Variants in F11R observed in about 807,000 individuals in gnomAD.
F11R encodes F11 receptor.
A neutral mutation model predicts 39.3 loss-of-function variants in F11R; 27 were observed. That is an observed-to-expected ratio of 0.69 (90% CI 0.51 to 0.95). The LOEUF (loss-of-function observed/expected upper bound fraction) is 0.95. F11R is among the 40% of genes least tolerant of loss of function. The probability of loss-of-function intolerance (pLI) is 0.00; values close to 1 mark genes in which losing one functional copy is unlikely to be tolerated. For synonymous variants in F11R, 131 were observed against 144.9 expected (o/e 0.90, Z 0.69); for missense variants, 335 against 372.7 (o/e 0.90, Z 0.83).
In F11R at chr1:160,995,369, A is replaced by G. The variant is rs1648057313; in HGVS notation, c.*3502T>C. The stretch of plus-strand genomic sequence containing the variant: ...CCCCTCCCCTGTCCTTGATCTGTAG[A>G]TCCTGTTAAGACAGGAAAAACAGTG... On this transcript the variant is annotated 3_prime_UTR_variant, in exon 10 of 10. Transcript: ENST00000368026. 6.6e-6 allele frequency: 1 copy of G among 152,262 alleles called. No homozygotes were observed. The highest frequency in any genetic ancestry group is 2.1e-4 in the South Asian group (1 of 4,824). 9.4% of individuals were successfully genotyped at this position (152,262 alleles called of 1,614,324 possible). A position where few individuals can be genotyped will look rare whatever the true frequency, so the allele number is the denominator to read the frequency against.
At position 161,001,045 on chromosome 1, in the gene F11R, G is replaced by C; in HGVS notation, c.216C>G (p.Leu72=). 6.2e-7 allele frequency: 1 copy of C among 1,614,100 alleles called. No homozygotes were observed. The highest frequency in any genetic ancestry group is 8.5e-7 in the Non-Finnish European group (1 of 1,179,980). Reference sequence around the variant, plus strand: ...CTGTGATCTTGTTATTATAGCAAACGAGTCTGGTGGTGTCTCCTTGGTCAA... The same window carrying C: ...CTGTGATCTTGTTATTATAGCAAACCAGTCTGGTGGTGTCTCCTTGGTCAA... ...WKFDQGDTTR[L]VCYNNKITAS... is the part of the protein sequence containing the mutation. Residue 72 remains leucine, a synonymous_variant, in exon 3 of 10, where the codon CTC becomes CTG. Coordinates refer to ENST00000368026, the MANE Select transcript of F11R (RefSeq NM_016946.6).
chr1:161,004,901 C>G (rs963770201), intron 1 of F11R, among the ~76,000 whole-genome samples: 3 of 151,826 alleles, frequency 2.0e-5, no homozygotes, highest in Non-Finnish European at 4.4e-5. Flanking sequence ...TAGCTCACAC[C>G]TGTAATTCCA....
intron 1 of F11R, among the ~76,000 whole-genome samples, chr1:161,012,040 G>A (rs1397198268): frequency 6.6e-6 from 1 of 152,018 alleles, no homozygotes; most frequent in Non-Finnish European, 1.5e-5. Flanking sequence ...GTCAATACGT[G>A]TCTGCAGTTT....
chr1:160,999,916 A>G lies in F11R; in HGVS notation c.654T>C (p.Tyr218=), dbSNP rs752452076. ...CAGCATTTGAAGTCATGGGTGTCCC[A>G]TACCCATTCCGTGCCTCACAGCTGT... ...GEYSCEARNG[Y]GTPMTSNAVR... Residue 218 remains tyrosine (Y), a synonymous_variant, in exon 6 of 10, where the codon TAT becomes TAC. Transcript: ENST00000368026. 6.2e-7 allele frequency: 1 copy of G among 1,614,192 alleles called. No homozygotes were observed. Among genetic ancestry groups the G allele is most frequent in the East Asian group, 2.2e-5 (1 of 44,884 alleles).
At chr1:161,003,892 G>C (rs1390137351) in intron 1 of F11R, among the ~76,000 whole-genome samples, 1 of 151,744 alleles carries the variant, frequency 6.6e-6, no homozygotes, top group Non-Finnish European at 1.5e-5. Flanking sequence ...GGCCTCCCTA[G>C]TAGCTAGGAT....
chr1:161,000,672 C>T lies in F11R; in HGVS notation c.347G>A (p.Gly116Asp). 1.2e-6 allele frequency: 2 copies of T among 1,614,176 alleles called. No homozygotes were observed. Among genetic ancestry groups the T allele is most frequent in the Middle Eastern group, 1.6e-4 (1 of 6,062 alleles). Residue 116 changes from glycine (G) to aspartate (D), a missense_variant, in exon 4 of 10, where the codon GGC (glycine) becomes GAC (aspartate). Coordinates refer to ENST00000368026, the MANE Select transcript of F11R (RefSeq NM_016946.6). ...TYTCMVSEEGGNSYGEVKVKL... is the reference protein window; with the variant it reads ...TYTCMVSEEGDNSYGEVKVKL... ...GACCTTGACCTCCCCATAGCTGTTG[C>T]CGCCTTCCTCAGAGACCATACAAGT...
intron 1 of F11R, among the ~76,000 whole-genome samples, chr1:161,016,878 T>C (rs1227408362): frequency 6.6e-6 from 1 of 152,178 alleles, no homozygotes; most frequent in Non-Finnish European, 1.5e-5. Context: ...TGTGTCTGTG[T>C]AGAAAGAAGT....
chr1:161,002,857 A>G (rs1048283765), intron 1 of F11R, among the ~76,000 whole-genome samples: 3 of 152,060 alleles, frequency 2.0e-5, no homozygotes, highest in African/African-American at 7.2e-5. Flanking sequence ...ACTATGAATT[A>G]GTCCAGATAA....
At chr1:161,001,808 C>T (rs771765206) in intron 1 of F11R, among the ~76,000 whole-genome samples, 3 of 152,156 alleles carry the variant, frequency 2.0e-5, no homozygotes, top group African/African-American at 7.2e-5. Flanking sequence ...TAATAATACT[C>T]GACATTTGTG....
At chr1:161,004,430 C>T (rs536690957) in intron 1 of F11R, among the ~76,000 whole-genome samples, 3 of 152,080 alleles carry the variant, frequency 2.0e-5, no homozygotes, top group Admixed American at 1.3e-4. Flanking sequence ...CGTGGTGGCG[C>T]GTGCTACCTG....
In F11R at chr1:160,998,763, G is replaced by C; in HGVS notation, c.*108C>G. On this transcript the variant is annotated 3_prime_UTR_variant, in exon 10 of 10. Coordinates refer to ENST00000368026, the MANE Select transcript of F11R (RefSeq NM_016946.6). ...CCGAAGAAGTAGGGGGCCCTGTGGG[G>C]TGTAGAAGACAAATAAGGCATCCTG... is the stretch of plus-strand genomic sequence containing the variant. The C allele has an allele frequency of 9.4e-7, 1 of 1,064,540 alleles. No individual in the cohort carries two copies. Among genetic ancestry groups the C allele is most frequent in the East Asian group, 2.4e-5 (1 of 41,674 alleles). 65.9% of individuals were successfully genotyped at this position (1,064,540 alleles called of 1,614,324 possible). A position where few individuals can be genotyped will look rare whatever the true frequency, so the allele number is the denominator to read the frequency against.
chr1:161,000,970 G>A lies in F11R; in HGVS notation c.241+50C>T, dbSNP rs1323060076. On this transcript the variant is annotated intron_variant, in intron 3 of 9. Coordinates refer to ENST00000368026, the MANE Select transcript of F11R (RefSeq NM_016946.6). ...AGTCTGGATCGTAGAATCCAGGCAT[G>A]ATAATCCCTCCACAACCTAGGCAAT... The A allele has an allele frequency of 7.7e-6, 12 of 1,550,094 alleles. No individual in the cohort carries two copies. The East Asian group carries it at 2.5e-4, about 32-fold the overall frequency.
chr1:161,021,065 T>C lies in F11R; in HGVS notation c.9A>G (p.Thr3=). The change falls in exon 1 of 10, where the codon ACA becomes ACG. Residue 3 remains threonine (T), a synonymous_variant. Transcript: ENST00000368026. The part of the protein sequence containing the change: MG[T]KAQVERKLLC... ...ACAGTTTCCTCTCGACTTGCGCCTT[T>C]GTCCCCATCGCGATCAGGCTCCCGA... 6.2e-7 allele frequency: 1 copy of C among 1,613,818 alleles called. No homozygotes were observed. Among genetic ancestry groups the C allele is most frequent in the South Asian group, 1.1e-5 (1 of 91,066 alleles).
chr1:161,019,593 C>CAAAAA (rs1055209744), intron 1 of F11R, among the ~76,000 whole-genome samples: 2 of 47,946 alleles, frequency 4.2e-5, no homozygotes, highest in Non-Finnish European at 4.5e-5. Context: ...AACTCTAACT[C>CAAAAA]AAAAAAAAAA....
At chr1:160,999,575 G>T in intron 7 of F11R, 65 bp downstream of exon 7, 1 of 1,519,890 alleles carries the variant, frequency 6.6e-7, no homozygotes, top group Non-Finnish European at 9.1e-7. Context: ...GTACTCAGAT[G>T]ACACCCATGC....
In F11R at chr1:160,999,025, C is replaced by G. The variant is rs762318782; in HGVS notation, c.864+18G>C. On this transcript the variant is annotated intron_variant, in intron 9 of 9. Coordinates refer to ENST00000368026, the MANE Select transcript of F11R (RefSeq NM_016946.6). ...CAGCCCCAGGTGGCCCACCCCTGCC[C>G]AGGGGAGGCATACTCACTTCACTTC... is the stretch of plus-strand genomic sequence containing the variant. 1.2e-6 allele frequency: 2 copies of G among 1,614,090 alleles called. No individual in the cohort carries two copies. Among genetic ancestry groups the G allele is most frequent in the African/African-American group, 2.7e-5 (2 of 74,934 alleles).
Position 161,000,212 on chromosome 1 carries a change from C to T in F11R, c.525G>A (p.Thr175=), listed in dbSNP as rs187413862. The T allele has an allele frequency of 1.2e-6, 2 of 1,614,046 alleles. No homozygotes were observed. The highest frequency in any genetic ancestry group is 1.7e-6 in the Non-Finnish European group (2 of 1,180,026). ...TGAAGGCACGGGTGCTTTTGGGATT[C>T]GTAGGCATCACTATCCCATCTTTGA... is the stretch of plus-strand genomic sequence containing the variant. ...TWFKDGIVMP[T]NPKSTRAFSN... Residue 175 remains threonine, a synonymous_variant, in exon 5 of 10, where the codon ACG becomes ACA. Transcript: ENST00000368026.
At chr1:161,020,898 A>T in intron 1 of F11R, 112 bp downstream of exon 1, 1 of 914,802 alleles carries the variant, frequency 1.1e-6, no homozygotes, top group Non-Finnish European at 1.8e-6. Context: ...TCGCAGAACG[A>T]TATAGGAAGG....
chr1:160,999,503 G>A, intron 7 of F11R, 95 bp from the exon 8 acceptor site: 2 of 1,575,114 alleles, frequency 1.3e-6, no homozygotes, highest in South Asian at 2.2e-5. Context: ...CTTGGTGTTA[G>A]ATGGGTGATC....
Sources: gnomAD v4.1 joint callset for allele counts (sites outside exome capture counted in the v4.1 genomes callset) on GRCh38, gnomAD v4.1.1 for gene constraint, MANE v1.5 for transcripts, NCBI Gene and HGNC (gene_info 2026-07-23, HGNC 2026-07-21) for gene names.